Variants in GRID1 observed in about 807,000 individuals in gnomAD.
GRID1 encodes glutamate receptor ionotropic, delta-1.
GRID1 carries 28 observed loss-of-function variants against 98.0 expected under a neutral mutation model. That is an observed-to-expected ratio of 0.29 (90% confidence interval 0.21 to 0.39). The LOEUF is 0.39. Ranked by LOEUF, GRID1 falls within the 10% of genes least tolerant of loss-of-function variation. The pLI, the probability that GRID1 is intolerant of heterozygous loss-of-function variation, is 1.00. For missense variants in GRID1, 1,111 were observed against 1,340.5 expected (o/e 0.83, Z 2.67); for synonymous variants, 553 against 538.5 (o/e 1.03, Z -0.37).
chr10:86,314,739 A>T (rs1048783936), intron 2 of GRID1, among the ~76,000 whole-genome samples: 1 of 151,964 alleles, frequency 6.6e-6, no homozygotes, highest in Non-Finnish European at 1.5e-5. Context: ...CTTTCCCAGC[A>T]CTCCTCAGAT....
chr10:86,188,777 A>C (rs1306692863), intron 3 of GRID1, among the ~76,000 whole-genome samples: 1 of 152,210 alleles, frequency 6.6e-6, no homozygotes, highest in Non-Finnish European at 1.5e-5. Context: ...AATCCCATTT[A>C]ATCCACTATC....
intron 4 of GRID1, among the ~76,000 whole-genome samples, chr10:86,120,138 T>C (rs1431564878): frequency 6.6e-6 from 1 of 152,182 alleles, no homozygotes; most frequent in Non-Finnish European, 1.5e-5. Context: ...GCCTCTAGCA[T>C]GGCATATAGA....
intron 8 of GRID1, among the ~76,000 whole-genome samples, chr10:85,769,735 C>T (rs963447890): frequency 6.6e-6 from 1 of 152,224 alleles, no homozygotes; most frequent in Admixed American, 6.5e-5. Flanking sequence ...ACAAAGCAGT[C>T]TGAGATCAAA....
intron 8 of GRID1, among the ~76,000 whole-genome samples, chr10:85,736,210 AAGAAGGAGGGAAGGAAGGAG>A (rs1200722471): frequency 1.4e-3 from 186 of 135,960 alleles, no homozygotes; most frequent in African/African-American, 4.7e-3. Flanking sequence ...GAAGGAAGCA[AAGAAGGAGGGAAGGAAGGAG>A]AGAAGGAGGG....
intron 4 of GRID1, among the ~76,000 whole-genome samples, chr10:86,125,000 A>G (rs1011064311): frequency 1.1e-4 from 17 of 152,352 alleles, no homozygotes; most frequent in East Asian, 3.9e-4. Flanking sequence ...GGGAGCAATC[A>G]TAAGATGAGG....
chr10:86,170,185 T>C (rs1010964219), intron 3 of GRID1, among the ~76,000 whole-genome samples: 6 of 152,226 alleles, frequency 3.9e-5, no homozygotes, highest in Admixed American at 1.3e-4. Flanking sequence ...TGAGTGGCTC[T>C]GGCCCAGCCC....
At chr10:86,099,628 TCA>T (rs1277886061) in intron 4 of GRID1, among the ~76,000 whole-genome samples, 2 of 152,196 alleles carry the variant, frequency 1.3e-5, no homozygotes, top group Non-Finnish European at 2.9e-5. Flanking sequence ...GAAATGACTC[TCA>T]TAAATTTCCC....
At chr10:85,836,325 G>C (rs183243759) in intron 8 of GRID1, among the ~76,000 whole-genome samples, 25 of 152,258 alleles carry the variant, frequency 1.6e-4, no homozygotes, top group Admixed American at 1.1e-3. Flanking sequence ...TGACTGGTAT[G>C]CTTTTAACAG....
intron 8 of GRID1, among the ~76,000 whole-genome samples, chr10:85,777,756 A>G (rs1304886137): frequency 1.3e-5 from 2 of 152,218 alleles, no homozygotes; most frequent in Non-Finnish European, 2.9e-5. Context: ...TTTCGCAGTG[A>G]AAGTCCTACC....
chr10:85,727,280 A>T (rs1841770813), intron 10 of GRID1, among the ~76,000 whole-genome samples: 1 of 152,212 alleles, frequency 6.6e-6, no homozygotes, highest in Admixed American at 6.5e-5. Context: ...ATGATAAATA[A>T]TCATGGGGAA....
At chr10:85,954,528 C>A (rs1355042605) in intron 4 of GRID1, among the ~76,000 whole-genome samples, 1 of 152,132 alleles carries the variant, frequency 6.6e-6, no homozygotes, top group Non-Finnish European at 1.5e-5. Flanking sequence ...TTTATACTTT[C>A]TTTATTATAA....
At chr10:86,296,350 C>A (rs1216985083) in intron 2 of GRID1, among the ~76,000 whole-genome samples, 9 of 152,204 alleles carry the variant, frequency 5.9e-5, no homozygotes, top group African/African-American at 2.2e-4. Context: ...AAAATTAAAA[C>A]CATTTGCTTG....
At chr10:85,850,774 A>T (rs1385915662) in intron 8 of GRID1, among the ~76,000 whole-genome samples, 6 of 152,244 alleles carry the variant, frequency 3.9e-5, no homozygotes, top group Admixed American at 1.3e-4. Context: ...ACACTGACTG[A>T]CCCCTCCATC....
intron 2 of GRID1, among the ~76,000 whole-genome samples, chr10:86,227,794 GCACCGTT>G (rs1260143610): frequency 3.3e-5 from 5 of 152,160 alleles, no homozygotes; most frequent in African/African-American, 7.2e-5. Context: ...GGTGCTCCAT[GCACCGTT>G]CCCACCACTA....
intron 3 of GRID1, among the ~76,000 whole-genome samples, chr10:86,186,263 A>G (rs1014654979): frequency 6.6e-6 from 1 of 152,112 alleles, no homozygotes; most frequent in African/African-American, 2.4e-5. Context: ...TAGTGATGTC[A>G]CCTTTCTCAT....
At chr10:86,220,496 T>C (rs1451781411) in intron 2 of GRID1, among the ~76,000 whole-genome samples, 5 of 152,098 alleles carry the variant, frequency 3.3e-5, no homozygotes. Context: ...ACAGGTAACT[T>C]ACCACCCACT....
intron 12 of GRID1, among the ~76,000 whole-genome samples, chr10:85,665,693 A>G (rs1464728363): frequency 6.6e-6 from 1 of 152,222 alleles, no homozygotes; most frequent in Non-Finnish European, 1.5e-5. Context: ...AAAGATTAAT[A>G]ACAGAGCTTA....
At chr10:85,765,334 T>C (rs1842187563) in intron 8 of GRID1, among the ~76,000 whole-genome samples, 1 of 152,218 alleles carries the variant, frequency 6.6e-6, no homozygotes, top group Non-Finnish European at 1.5e-5. Flanking sequence ...CCTGTTGCTC[T>C]GGCAATGCTG....
intron 4 of GRID1, among the ~76,000 whole-genome samples, chr10:86,111,334 C>T (rs1308720828): frequency 8.5e-5 from 13 of 152,162 alleles, no homozygotes; most frequent in Middle Eastern, 3.2e-3. Context: ...GGATGCAGGG[C>T]TGTGTGAGGA....
Sources: gnomAD v4.1 joint callset for allele counts (sites outside exome capture counted in the v4.1 genomes callset) on GRCh38, gnomAD v4.1.1 for gene constraint, MANE v1.5 for transcripts, NCBI Gene and HGNC (gene_info 2026-07-23, HGNC 2026-07-21) for gene names.